Variants in NBPF9 observed in about 807,000 individuals in gnomAD.
NBPF9 encodes the protein NBPF family member NBPF9.
Under a neutral mutation model 97.8 loss-of-function variants are expected in NBPF9, and 91 were observed. The observed-to-expected ratio is 0.93, with a 90% CI of 0.79 to 1.11. The LOEUF (loss-of-function observed/expected upper bound fraction) is 1.11, where lower values mean the gene tolerates loss of function less well. Among genes scored for constraint, NBPF9 ranks in the 50% least tolerant of loss-of-function variants. The pLI is 0.00. For missense variants in NBPF9, 992 were observed against 939.5 expected (o/e 1.06, Z -0.73); for synonymous variants, 334 against 359.5 (o/e 0.93, Z 0.80).
At position 149,098,476 on chromosome 1, in the gene NBPF9, G is replaced by T. The variant is rs1156406639; in HGVS notation, c.-375C>A. The T allele has an allele frequency of 6.6e-5, 101 of 1,528,022 alleles. 1 individual carries two copies. Among genetic ancestry groups the T allele is most frequent in the Admixed American group, 5.8e-5 (3 of 51,984 alleles). The allele number at this position is 1,528,022 out of a possible 1,614,324, so 94.7% of individuals were successfully genotyped here. ...CAGCTCTTCATTTGGCCCACACCGT[G>T]TGAGGTTGCTCTTGGTGCACCGAAT... On this transcript the variant is annotated 5_prime_UTR_variant, in exon 4 of 30. Coordinates refer to ENST00000584027, the Ensembl canonical transcript of NBPF9.
At chr1:149,085,232 T>C (rs1459882237) in intron 5 of NBPF9, among the ~76,000 whole-genome samples, 2 of 151,028 alleles carry the variant, frequency 1.3e-5, no homozygotes, top group Non-Finnish European at 2.9e-5. Context: ...ATAGATTTTT[T>C]ATGAATAAAA....
intron 5 of NBPF9, among the ~76,000 whole-genome samples, chr1:149,089,264 C>T (rs2081249952): frequency 6.6e-6 from 1 of 152,054 alleles, no homozygotes; most frequent in East Asian, 1.9e-4. Flanking sequence ...GAGGAGAATG[C>T]CTCTGGGTCT....
chr1:149,061,785 T>A, intron 22 of NBPF9: 1 of 292,628 alleles, frequency 3.4e-6, no homozygotes, highest in Non-Finnish European at 6.1e-6. Flanking sequence ...AAGGAGGAAA[T>A]CTACAAACCC....
At chr1:149,065,865 C>A in intron 17 of NBPF9, 176 bp from the exon 18 acceptor site, 1 of 787,006 alleles carries the variant, frequency 1.3e-6, no homozygotes. Context: ...GGTGACTGCT[C>A]TGGGGACAGA....
chr1:149,073,035 G>T, intron 13 of NBPF9, 103 bp from the exon 14 acceptor site: 1 of 1,210,302 alleles, frequency 8.3e-7, no homozygotes. Flanking sequence ...AGGAGACCTC[G>T]AAGCAGAAGG....
At chr1:149,075,790 C>T in exon 12 of NBPF9, 1 of 1,587,850 alleles carries the variant, frequency 6.3e-7, no homozygotes, top group Non-Finnish European at 8.6e-7. Flanking sequence ...ATGTTCATCT[C>T]TGCCTTCTCG....
chr1:149,071,153 T>G lies in NBPF9; in HGVS notation c.1380-14A>C, dbSNP rs782722832. 8 of 1,477,202 alleles carry G rather than the reference T, an allele frequency of 5.4e-6. No individual in the cohort carries two copies. The South Asian group carries it at 8.0e-5, about 15-fold the overall frequency. The allele number at this position is 1,477,202 out of a possible 1,614,324, so 91.5% of individuals were successfully genotyped here. ...TTCTGCATCTCCCTGATGAGCCAGG[T>G]GGGACAGAGATGACAGAAGATTAAA... is the stretch of plus-strand genomic sequence containing the variant. On this transcript the variant is annotated splice_polypyrimidine_tract_variant and intron_variant, in intron 15 of 29. Coordinates refer to ENST00000584027, the Ensembl canonical transcript of NBPF9.
At chr1:149,055,556 A>C (rs2078150107) in exon 30 of NBPF9, 6 of 1,564,678 alleles carry the variant, frequency 3.8e-6, no homozygotes, top group South Asian at 2.4e-5. Context: ...GACCCATCCT[A>C]TGTCTGGGCT....
At chr1:149,055,982 G>A (rs1358972341) in intron 29 of NBPF9, 83 bp from the exon 30 acceptor site, 3 of 1,610,746 alleles carry the variant, frequency 1.9e-6, no homozygotes, top group Non-Finnish European at 1.7e-6. Context: ...AGTAACATAA[G>A]GAAGTGGTTA....
At chr1:149,086,923 G>A in intron 5 of NBPF9, among the ~76,000 whole-genome samples, 1 of 152,136 alleles carries the variant, frequency 6.6e-6, no homozygotes, top group Non-Finnish European at 1.5e-5. Flanking sequence ...CTGTCTATCT[G>A]ATTTGTGTTA....
At position 149,065,598 on chromosome 1, in the gene NBPF9, A is replaced by T. The variant is rs781789138; in HGVS notation, c.1729T>A (p.Ser577Thr). 3 of 1,608,540 alleles carry T rather than the reference A, an allele frequency of 1.9e-6. No homozygotes were observed. In the East Asian group the frequency reaches 6.9e-5, roughly 37 times the overall value. ...AATGTGCTGCTGTAAGACTTGTACG[A>T]GGCCAACATTTCAGGAGGAATTGAG... The change falls in exon 18 of 30, where the codon TCG becomes ACG. Residue 577 changes from serine to threonine, a missense_variant. Transcript: ENST00000584027.
At chr1:149,087,445 C>A (rs1259923201) in intron 5 of NBPF9, among the ~76,000 whole-genome samples, 3 of 150,536 alleles carry the variant, frequency 2.0e-5, no homozygotes, top group African/African-American at 7.3e-5. Flanking sequence ...TCTTCTCTTC[C>A]ACTGATATAT....
intron 4 of NBPF9, among the ~76,000 whole-genome samples, chr1:149,095,623 CAAAAA>C (rs373341524): frequency 2.0e-5 from 2 of 101,204 alleles, no homozygotes; most frequent in Non-Finnish European, 4.0e-5. Context: ...CAACACAAAG[CAAAAA>C]AAAAAAAAAA....
intron 12 of NBPF9, among the ~76,000 whole-genome samples, chr1:149,074,809 C>CATG (rs2079712709): frequency 6.7e-6 from 1 of 149,560 alleles, no homozygotes; most frequent in Non-Finnish European, 1.5e-5. Flanking sequence ...TATTTATCAT[C>CATG]ATTATTATTA....
chr1:149,070,848 T>A, intron 16 of NBPF9, 86 bp downstream of exon 16: 1 of 1,358,040 alleles, frequency 7.4e-7, no homozygotes. Flanking sequence ...TTTATTCAAA[T>A]GAATTTGTGT....
chr1:149,063,926 G>A, intron 19 of NBPF9, 121 bp from the exon 20 acceptor site: 2 of 668,310 alleles, frequency 3.0e-6, no homozygotes. Context: ...ATCCATTAAT[G>A]AGGTAACAAA....
chr1:149,064,722 C>T (rs587701660), intron 18 of NBPF9: 5 of 618,362 alleles, frequency 8.1e-6, no homozygotes, highest in African/African-American at 3.7e-5. Context: ...TGTGCTCTGT[C>T]CTAGGTTTAT....
At chr1:149,062,790 T>A in intron 21 of NBPF9, 72 bp downstream of exon 21, 3 of 767,014 alleles carry the variant, frequency 3.9e-6, no homozygotes, top group Non-Finnish European at 2.4e-6. Flanking sequence ...TTGAACACAC[T>A]CTTGTTTTCC....
In NBPF9 at chr1:149,082,419, C is replaced by T; in HGVS notation, c.-183G>A. The T allele has an allele frequency of 2.1e-6, 2 of 963,386 alleles. No individual in the cohort carries two copies. Among genetic ancestry groups the T allele is most frequent in the Non-Finnish European group, 3.0e-6 (2 of 658,648 alleles). The allele number at this position is 963,386 out of a possible 1,614,324, so 59.7% of individuals were successfully genotyped here. A position where few individuals can be genotyped will look rare whatever the true frequency, so the allele number is the denominator to read the frequency against. ...AGTGAGGTAGATTGTGGCCAGCGTG[C>T]CAGGTAACCGTCTGCAGTTGCAATA... is the stretch of plus-strand genomic sequence containing the variant. On this transcript the variant is annotated 5_prime_UTR_variant, in exon 6 of 30. The change creates a premature stop within an existing upstream ORF in the 5' untranslated region. Coordinates refer to ENST00000584027, the Ensembl canonical transcript of NBPF9.
Sources: gnomAD v4.1 joint callset for allele counts (sites outside exome capture counted in the v4.1 genomes callset) on GRCh38, gnomAD v4.1.1 for gene constraint, MANE v1.5 for transcripts, NCBI Gene and HGNC (gene_info 2026-07-23, HGNC 2026-07-21) for gene names.